The following MEIKIN variants were observed in gnomAD, a reference collection of about 807,000 sequenced individuals.
MEIKIN encodes meiotic kinetochore factor, also known as meiosis-specific kinetochore protein.
chr5:131,867,250 A>G (rs1480720657), intron 9 of MEIKIN, among the ~76,000 whole-genome samples: 5 of 152,198 alleles, frequency 3.3e-5, no homozygotes, highest in African/African-American at 4.8e-5. Flanking sequence ...AGCAAACTTG[A>G]GCAGAAAATA....
intron 8 of MEIKIN, among the ~76,000 whole-genome samples, chr5:131,889,372 C>T (rs1750865393): frequency 6.6e-6 from 1 of 152,106 alleles, no homozygotes; most frequent in Non-Finnish European, 1.5e-5. Flanking sequence ...TTGTTTGTAT[C>T]CTCGTTTATT....
chr5:131,844,313 A>G (rs1039087051), intron 11 of MEIKIN, among the ~76,000 whole-genome samples: 2 of 152,190 alleles, frequency 1.3e-5, no homozygotes, highest in African/African-American at 4.8e-5. Context: ...AATCAGAAAA[A>G]AATATATGAA....
intron 9 of MEIKIN, among the ~76,000 whole-genome samples, chr5:131,861,515 G>A (rs552233578): frequency 6.6e-6 from 1 of 152,162 alleles, no homozygotes; most frequent in African/African-American, 2.4e-5. Context: ...TGGGGAAGGT[G>A]GGCATTCTTG....
intron 11 of MEIKIN, among the ~76,000 whole-genome samples, chr5:131,835,456 C>A (rs756993319): frequency 1.3e-5 from 2 of 152,086 alleles, no homozygotes; most frequent in Non-Finnish European, 2.9e-5. Context: ...TATCAAGAGG[C>A]TTTTTCCCTA....
At chr5:131,841,327 C>G (rs890986763) in intron 11 of MEIKIN, among the ~76,000 whole-genome samples, 1 of 152,158 alleles carries the variant, frequency 6.6e-6, no homozygotes, top group Non-Finnish European at 1.5e-5. Context: ...GGGATCCATT[C>G]TCATTCTCAT....
chr5:131,855,319 T>C (rs1561733755), intron 9 of MEIKIN, among the ~76,000 whole-genome samples: 1 of 152,190 alleles, frequency 6.6e-6, no homozygotes, highest in Non-Finnish European at 1.5e-5. Flanking sequence ...GTTAAATGTA[T>C]ATAGATACTT....
At chr5:131,824,196 T>C (rs1278890272) in intron 11 of MEIKIN, among the ~76,000 whole-genome samples, 1 of 151,930 alleles carries the variant, frequency 6.6e-6, no homozygotes, top group Non-Finnish European at 1.5e-5. Context: ...CTCTCAAGGA[T>C]GAACAAGCAA....
At chr5:131,904,833 C>T (rs1751217704) in intron 8 of MEIKIN, among the ~76,000 whole-genome samples, 1 of 152,134 alleles carries the variant, frequency 6.6e-6, no homozygotes, top group African/African-American at 2.4e-5. Context: ...GAGTTCATGT[C>T]CTTTGCAGGG....
At chr5:131,860,565 C>T (rs1220305908) in intron 9 of MEIKIN, among the ~76,000 whole-genome samples, 1 of 151,586 alleles carries the variant, frequency 6.6e-6, no homozygotes, top group Non-Finnish European at 1.5e-5. Flanking sequence ...CTGCCTCAGC[C>T]TCCCAAGCAG....
intron 7 of MEIKIN, among the ~76,000 whole-genome samples, chr5:131,914,870 T>C (rs1028330404): frequency 1.3e-5 from 2 of 151,900 alleles, no homozygotes; most frequent in East Asian, 3.9e-4. Flanking sequence ...ATAGGGGTAA[T>C]AAATGGGAAG....
chr5:131,941,142 C>CTTTTTTTTTTTTTTTTTTTTTT (rs397999274), intron 4 of MEIKIN, among the ~76,000 whole-genome samples: 1 of 59,662 alleles, frequency 1.7e-5, no homozygotes, highest in Non-Finnish European at 2.8e-5. Flanking sequence ...AGATCTCTTC[C>CTTTTTTTTTTTTTTTTTTTTTT]TTTTTTTTTT....
intron 12 of MEIKIN, among the ~76,000 whole-genome samples, chr5:131,814,116 T>C (rs1219559541): frequency 6.6e-6 from 1 of 151,830 alleles, no homozygotes; most frequent in Non-Finnish European, 1.5e-5. Context: ...TGAGGGTGAG[T>C]CTGCCTCTCC....
At chr5:131,926,594 G>C (rs1751591160) in intron 5 of MEIKIN, among the ~76,000 whole-genome samples, 2 of 152,138 alleles carry the variant, frequency 1.3e-5, no homozygotes, top group African/African-American at 4.8e-5. Context: ...TTTTAGAAGA[G>C]TTTAAGAATT....
chr5:131,865,795 G>A (rs1750373525), intron 9 of MEIKIN, among the ~76,000 whole-genome samples: 1 of 152,248 alleles, frequency 6.6e-6, no homozygotes, highest in Non-Finnish European at 1.5e-5. Flanking sequence ...TTCTTTGGCT[G>A]TAAACAGCAT....
At chr5:131,839,424 G>T (rs1331960797) in intron 11 of MEIKIN, among the ~76,000 whole-genome samples, 1 of 152,112 alleles carries the variant, frequency 6.6e-6, no homozygotes, top group Admixed American at 6.6e-5. Context: ...TTTTTGCCTT[G>T]ATGATCTGTC....
intron 11 of MEIKIN, among the ~76,000 whole-genome samples, chr5:131,826,022 C>T (rs142812252): frequency 1.5e-4 from 23 of 151,692 alleles, no homozygotes; most frequent in Non-Finnish European, 2.9e-4. Context: ...TAAAAACTAA[C>T]ACAATCTACC....
At chr5:131,872,640 A>T (rs1207837409) in intron 9 of MEIKIN, among the ~76,000 whole-genome samples, 7 of 152,216 alleles carry the variant, frequency 4.6e-5, no homozygotes, top group Admixed American at 4.6e-4. Flanking sequence ...TTCAGGAAAT[A>T]CAGAGAACAC....
chr5:131,873,377 C>G (rs1411583014), intron 9 of MEIKIN, among the ~76,000 whole-genome samples: 1 of 152,070 alleles, frequency 6.6e-6, no homozygotes, highest in African/African-American at 2.4e-5. Context: ...GACTTTAAAC[C>G]AACAAAGATC....
chr5:131,863,557 C>CTTTTTTTTTTT (rs59435888), intron 9 of MEIKIN, among the ~76,000 whole-genome samples: 55 of 68,430 alleles, frequency 8.0e-4, no homozygotes, highest in African/African-American at 1.3e-3. Flanking sequence ...CTTCTTTGTC[C>CTTTTTTTTTTT]TTTTTTTTTT....
Sources: gnomAD v4.1 joint callset for allele counts (sites outside exome capture counted in the v4.1 genomes callset) on GRCh38, gnomAD v4.1.1 for gene constraint, MANE v1.5 for transcripts, NCBI Gene and HGNC (gene_info 2026-07-23, HGNC 2026-07-21) for gene names.